ELN: variants seen among roughly 807,000 people sequenced by gnomAD.
The protein encoded by ELN is elastin, also known as tropoelastin.
A neutral mutation model predicts 105.8 loss-of-function variants in ELN; 65 were observed. The observed-to-expected ratio is 0.61, with a 90% CI of 0.50 to 0.75. The LOEUF (loss-of-function observed/expected upper bound fraction) is 0.75. ELN is among the 30% of genes least tolerant of loss of function. The pLI is 0.00. For synonymous variants in ELN, 368 were observed against 389.2 expected, an observed-to-expected ratio of 0.95 and a Z score of 0.64; for missense variants, 882 against 969.4, an observed-to-expected ratio of 0.91 and a Z score of 1.20.
At chr7:74,060,549 G>A (rs1554683774) in intron 25 of ELN, 48 bp downstream of exon 25, 1 of 1,614,016 alleles carries the variant, frequency 6.2e-7, no homozygotes, top group South Asian at 1.1e-5. Context: ...GCTCAGGGAA[G>A]GAGATCCCTC....
chr7:74,036,814 C>T (rs1423043284), intron 3 of ELN, among the ~76,000 whole-genome samples: 1 of 151,850 alleles, frequency 6.6e-6, no homozygotes, highest in Non-Finnish European at 1.5e-5. Flanking sequence ...CCTATTTCTT[C>T]TTTTTTTTGG....
intron 17 of ELN, chr7:74,052,947 C>T: frequency 1.6e-6 from 1 of 611,572 alleles, no homozygotes; most frequent in East Asian, 2.8e-5. Context: ...AAAGAGATCA[C>T]ATTCCTCCAG....
At chr7:74,043,357 C>G in intron 8 of ELN, 189 bp downstream of exon 8, 1 of 878,510 alleles carries the variant, frequency 1.1e-6, no homozygotes, top group Non-Finnish European at 1.8e-6. Context: ...GCCCACTTCC[C>G]GGGCCCTTCT....
In ELN at chr7:74,048,563, GC is replaced by G; in HGVS notation, c.799+11del. On this transcript the variant is annotated splice_region_variant and intron_variant, in intron 15 of 32. Transcript: ENST00000252034. ...AAAGCAGCAGCAAAGTTCGGTGAGT[GC>G]CCCTGGAGTCCCCACCTGGTGGCCT... 1.2e-6 allele frequency: 2 copies of G among 1,613,720 alleles called. No homozygotes were observed. The highest frequency in any genetic ancestry group is 1.7e-6 in the Non-Finnish European group (2 of 1,179,822).
intron 1 of ELN, among the ~76,000 whole-genome samples, chr7:74,028,599 C>A (rs1218132523): frequency 1.3e-5 from 2 of 152,160 alleles, no homozygotes; most frequent in Non-Finnish European, 2.9e-5. Context: ...GAGGGCCCAG[C>A]GGGAACCCCT....
intron 9 of ELN, among the ~76,000 whole-genome samples, chr7:74,044,682 G>A (rs1792049571): frequency 1.3e-5 from 2 of 152,180 alleles, no homozygotes; most frequent in Admixed American, 6.5e-5. Flanking sequence ...CCAGATTTAG[G>A]CTGTTATGTG....
chr7:74,063,383 G>T lies in ELN; in HGVS notation c.1918+14G>T. The T allele has an allele frequency of 6.5e-7, 1 of 1,544,914 alleles. No homozygotes were observed. On this transcript the variant is annotated intron_variant, in intron 28 of 32. Coordinates refer to ENST00000252034, the MANE Select transcript of ELN (RefSeq NM_000501.4). The surrounding 1 kb of genome is among the most constrained non-coding windows in gnomAD (Gnocchi z 4.1). ...CCGCCCAGTTTGGTGAGCACTGGGT[G>T]GAGGTGGGAGCTGCCGCCAGGCCCC...
chr7:74,053,140 G>A (rs367626110), intron 17 of ELN, 23 bp from the exon 18 acceptor site: 4 of 1,613,998 alleles, frequency 2.5e-6, no homozygotes, highest in Admixed American at 1.7e-5. Context: ...TAGGTTAGGG[G>A]AACAATGCTT....
At chr7:74,034,752 C>T (rs1435293332) in intron 1 of ELN, among the ~76,000 whole-genome samples, 2 of 151,820 alleles carry the variant, frequency 1.3e-5, no homozygotes, top group African/African-American at 2.4e-5. Flanking sequence ...CGTCTCTTTC[C>T]AGCTGTGTGG....
chr7:74,049,588 T>C (rs868914195), intron 15 of ELN, among the ~76,000 whole-genome samples: 1 of 150,890 alleles, frequency 6.6e-6, no homozygotes, highest in East Asian at 2.0e-4. Flanking sequence ...CATTTCTCCA[T>C]GCATGCATCC....
At chr7:74,065,043 C>A (rs1292506820) in intron 29 of ELN, among the ~76,000 whole-genome samples, 4 of 151,962 alleles carry the variant, frequency 2.6e-5, no homozygotes, top group Non-Finnish European at 5.9e-5. Flanking sequence ...GAGTTCAAGA[C>A]CAGCCTGGAC....
At chr7:74,059,855 G>T in intron 22 of ELN, 31 bp from the exon 23 acceptor site, 1 of 980,664 alleles carries the variant, frequency 1.0e-6, no homozygotes, top group Non-Finnish European at 1.7e-6. Context: ...ATCAGGTCTT[G>T]GTTAATGATC....
intron 20 of ELN, 32 bp from the exon 21 acceptor site, chr7:74,056,640 T>C (rs1554680045): frequency 1.2e-6 from 2 of 1,613,870 alleles, no homozygotes; most frequent in Non-Finnish European, 1.7e-6. Context: ...GCACGGCTTC[T>C]GAGGGTCTCT....
At chr7:74,060,329 G>A (rs1554683441) in intron 24 of ELN, 47 bp from the exon 25 acceptor site, 1 of 1,613,998 alleles carries the variant, frequency 6.2e-7, no homozygotes, top group Non-Finnish European at 8.5e-7. Context: ...ACCTCCTTAG[G>A]GGCATGCTCC....
chr7:74,045,115 A>G (rs1187919564), intron 9 of ELN, 107 bp from the exon 10 acceptor site: 10 of 1,273,216 alleles, frequency 7.9e-6, no homozygotes, highest in Non-Finnish European at 9.1e-6. Flanking sequence ...CCTGTCACTG[A>G]CAGTCAGTCC....
At chr7:74,045,112 C>A (rs1792157296) in intron 9 of ELN, 110 bp from the exon 10 acceptor site, 1 of 1,248,278 alleles carries the variant, frequency 8.0e-7, no homozygotes. Context: ...GTGCCTGTCA[C>A]TGACAGTCAG....
chr7:74,045,013 G>A (rs1792131862), intron 9 of ELN, among the ~76,000 whole-genome samples: 1 of 152,200 alleles, frequency 6.6e-6, no homozygotes, highest in African/African-American at 2.4e-5. Flanking sequence ...CTGGGAAATA[G>A]GATTAAAACT....
Position 74,042,717 on chromosome 7 carries a change from C to T in ELN, c.325+11C>T. On this transcript the variant is annotated intron_variant, in intron 6 of 32. Coordinates refer to ENST00000252034, the MANE Select transcript of ELN (RefSeq NM_000501.4). ...AAGCTGCTAAGGCTGGTGAGTGGTG[C>T]TCTTTGGGACATGCCACAAGCCCTC... 6.2e-7 allele frequency: 1 copy of T among 1,611,772 alleles called. No individual in the cohort carries two copies. The highest frequency in any genetic ancestry group is 8.5e-7 in the Non-Finnish European group (1 of 1,179,926).
chr7:74,065,697 TA>T lies in ELN; in HGVS notation c.1998del (p.Pro667LeufsTer20). ...GVPGVGGLGGIPPAAAAKAAK... is the reference protein window; with the variant it reads ...GVPGVGGLGGXPPAAAAKAAK... ...GTCATGTGCCTCATCTCCCCAGGTA[TA>T]CCTCCAGCTGCAGCCGCTAAAGCAG... On this transcript the variant is annotated frameshift_variant, in exon 30 of 33. Transcript: ENST00000252034. LOFTEE classifies it high-confidence loss of function. 6.2e-7 allele frequency: 1 copy of T among 1,612,936 alleles called. No homozygotes were observed. Among genetic ancestry groups the T allele is most frequent in the Non-Finnish European group, 8.5e-7 (1 of 1,179,832 alleles).
Sources: gnomAD v4.1 joint callset for allele counts (sites outside exome capture counted in the v4.1 genomes callset) on GRCh38, gnomAD v4.1.1 for gene constraint, Gnocchi (gnomAD v3.1) non-coding constraint, MANE v1.5 for transcripts, NCBI Gene and HGNC (gene_info 2026-07-23, HGNC 2026-07-21) for gene names.